The following ATE1 variants were observed in gnomAD, a reference collection of about 807,000 sequenced individuals.
ATE1 encodes arginyl-tRNA--protein transferase 1.
A neutral mutation model predicts 70.5 loss-of-function variants in ATE1; 36 were observed. That is an observed-to-expected ratio of 0.51 (90% CI 0.39 to 0.67). The LOEUF (loss-of-function observed/expected upper bound fraction) is 0.67, where lower values mean the gene tolerates loss of function less well. Among genes scored for constraint, ATE1 ranks in the 30% least tolerant of loss-of-function variants. The probability of loss-of-function intolerance (pLI) is 0.00; values close to 1 mark genes in which losing one functional copy is unlikely to be tolerated. For synonymous variants in ATE1, 232 were observed against 219.3 expected (o/e 1.06, Z -0.51); for missense variants, 593 against 629.5 (o/e 0.94, Z 0.62).
Position 121,899,996 on chromosome 10 carries a change from T to C in ATE1, c.814-2A>G, listed in dbSNP as rs768399563. On this transcript the variant is annotated splice_acceptor_variant, in intron 6 of 11. Coordinates refer to ENST00000224652, the MANE Select transcript of ATE1 (RefSeq NM_001001976.3). LOFTEE classifies it high-confidence loss of function. The stretch of plus-strand genomic sequence containing the variant: ...TGGAGATGATCTCACCACCCTCACC[T>C]TCAGAAGCAGTTAAAAAAACAAGTT... 4 of 1,611,468 alleles carry C rather than the reference T, an allele frequency of 2.5e-6. 1 individual carries two copies. The South Asian group carries it at 4.4e-5, about 18-fold the overall frequency.
rs116126953 is a variant in ATE1, at chr10:121,810,100, G to A, written c.1258-19811C>T. On this transcript the variant is annotated intron_variant, in intron 10 of 11. Coordinates refer to ENST00000224652, the MANE Select transcript of ATE1 (RefSeq NM_001001976.3). ...CAACTCTGCTACGAATGTATGGCCCGTATTTTGGATAAAACAAGGTTTACT... is the reference window on the plus strand; with the variant it reads ...CAACTCTGCTACGAATGTATGGCCCATATTTTGGATAAAACAAGGTTTACT... Among the ~76,000 whole-genome samples the A allele has an allele frequency of 4.4e-3, 668 of 152,236 alleles. 5 individuals are homozygous for A. Among genetic ancestry groups the A allele is most frequent in the African/African-American group, 0.015 (641 of 41,530 alleles).
chr10:121,817,590 A>C lies in ATE1; in HGVS notation c.1257+19128T>G, dbSNP rs1031903271. 3.3e-5 allele frequency among the ~76,000 whole-genome samples: 5 copies of C among 152,162 alleles called. No individual in the cohort carries two copies. The South Asian group carries it at 1.0e-3, about 32-fold the overall frequency. On this transcript the variant is annotated intron_variant, in intron 10 of 11. Transcript: ENST00000224652. Reference sequence around the variant, plus strand: ...CCCTCTCTACAAAAGCTTACAATCTAATGAGACAGGCAGATGTGAAAAGAA... The same window carrying C: ...CCCTCTCTACAAAAGCTTACAATCTCATGAGACAGGCAGATGTGAAAAGAA...
At chr10:121,897,550 C>T (rs1012124751) in intron 7 of ATE1, among the ~76,000 whole-genome samples, 4 of 152,110 alleles carry the variant, frequency 2.6e-5, no homozygotes, top group Non-Finnish European at 5.9e-5. Flanking sequence ...AGATTCTGGC[C>T]GGACCCGGTG....
chr10:121,795,712 C>A (rs1312397406), intron 10 of ATE1, among the ~76,000 whole-genome samples: 1 of 152,126 alleles, frequency 6.6e-6, no homozygotes, highest in Non-Finnish European at 1.5e-5. Context: ...ATGAAATAAA[C>A]CACTTTGAAA....
chr10:121,846,204 A>G (rs983373040), intron 8 of ATE1, among the ~76,000 whole-genome samples: 1 of 152,168 alleles, frequency 6.6e-6, no homozygotes, highest in Non-Finnish European at 1.5e-5. Flanking sequence ...CTATTGAAAG[A>G]GCAACCAATG....
chr10:121,806,980 A>G (rs901051678), intron 10 of ATE1, among the ~76,000 whole-genome samples: 1 of 152,194 alleles, frequency 6.6e-6, no homozygotes, highest in African/African-American at 2.4e-5. Context: ...CCTTTTTTCT[A>G]GAACTTACCA....
upstream of ATE1, chr10:121,928,189 G>T: frequency 7.7e-7 from 1 of 1,294,496 alleles, no homozygotes; most frequent in Non-Finnish European, 9.9e-7. Context: ...CGTCGTCAGT[G>T]AGGGTGAGGC....
chr10:121,903,806 G>A (rs185096188), intron 5 of ATE1, among the ~76,000 whole-genome samples: 125 of 152,098 alleles, frequency 8.2e-4, no homozygotes, highest in African/African-American at 2.9e-3. Flanking sequence ...CTAATTAACA[G>A]ACCAAATATC....
chr10:121,866,875 T>C (rs1488178917), intron 8 of ATE1, among the ~76,000 whole-genome samples: 1 of 151,550 alleles, frequency 6.6e-6, no homozygotes, highest in Admixed American at 6.6e-5. Context: ...AATTTGTATA[T>C]TCTATATACT....
intron 2 of ATE1, among the ~76,000 whole-genome samples, chr10:121,923,498 A>AT (rs1442511618): frequency 1.3e-5 from 2 of 152,122 alleles, no homozygotes; most frequent in African/African-American, 4.8e-5. Flanking sequence ...TAAAAAAAAA[A>AT]GTTCCTTATC....
intron 10 of ATE1, among the ~76,000 whole-genome samples, chr10:121,826,650 G>A (rs1159642055): frequency 6.6e-6 from 1 of 152,164 alleles, no homozygotes; most frequent in Non-Finnish European, 1.5e-5. Context: ...GAGGGTACAT[G>A]TGCAGGTTTG....
intron 10 of ATE1, among the ~76,000 whole-genome samples, chr10:121,824,577 C>T (rs957047456): frequency 6.6e-6 from 1 of 152,172 alleles, no homozygotes; most frequent in African/African-American, 2.4e-5. Flanking sequence ...CATAATTAAT[C>T]ACAGACGGAT....
chr10:121,833,128 A>C (rs1329759441), intron 10 of ATE1, among the ~76,000 whole-genome samples: 1 of 152,104 alleles, frequency 6.6e-6, no homozygotes, highest in Non-Finnish European at 1.5e-5. Flanking sequence ...ACTTCTCCAA[A>C]CTGTTACACA....
In ATE1 at chr10:121,869,815, T is replaced by C. The variant is rs530744456; in HGVS notation, c.975+191A>G. On this transcript the variant is annotated intron_variant, in intron 8 of 11. Coordinates refer to ENST00000224652, the MANE Select transcript of ATE1 (RefSeq NM_001001976.3). ...AACCTGTCATGAAAGTGAATTGCTA[T>C]TGATATAACTTCTAGAAACTTTTAT... is the stretch of plus-strand genomic sequence containing the variant. 3.9e-5 allele frequency among the ~76,000 whole-genome samples: 6 copies of C among 152,366 alleles called. No homozygotes were observed. The South Asian group carries it at 1.2e-3, about 32-fold the overall frequency.
chr10:121,784,068 A>C (rs1191395694), intron 11 of ATE1, among the ~76,000 whole-genome samples: 2 of 152,296 alleles, frequency 1.3e-5, no homozygotes, highest in African/African-American at 4.8e-5. Context: ...CTTGCTTTGA[A>C]ATTTTAAAAC....
At chr10:121,876,742 G>T (rs192076819) in intron 7 of ATE1, among the ~76,000 whole-genome samples, 20 of 152,186 alleles carry the variant, frequency 1.3e-4, no homozygotes, top group Admixed American at 5.2e-4. Context: ...CGAGGCGGGC[G>T]GATCACGATG....
At chr10:121,866,676 G>A (rs1054500523) in intron 8 of ATE1, among the ~76,000 whole-genome samples, 5 of 151,878 alleles carry the variant, frequency 3.3e-5, no homozygotes, top group African/African-American at 1.2e-4. Flanking sequence ...GGTGAAACCT[G>A]TCTTTACTAA....
At position 121,927,742 on chromosome 10, in the gene ATE1, TG is replaced by T. The variant is rs1302516995; in HGVS notation, c.106+101del. On this transcript the variant is annotated intron_variant, in intron 1 of 11. Coordinates refer to ENST00000224652, the MANE Select transcript of ATE1 (RefSeq NM_001001976.3). Reference sequence around the variant, plus strand: ...GCCCCCTCCGTCTCGGCCGTGGCACTGGGGCCAGGGGCTCCGGCCCCCTCGC... The same window carrying T: ...GCCCCCTCCGTCTCGGCCGTGGCACTGGGCCAGGGGCTCCGGCCCCCTCGC... 5.1e-6 allele frequency: 7 copies of T among 1,384,680 alleles called. No homozygotes were observed. The South Asian group carries it at 9.5e-5, about 19-fold the overall frequency. The allele number at this position is 1,384,680 out of a possible 1,614,324, so 85.8% of individuals were successfully genotyped here. A position where few individuals can be genotyped will look rare whatever the true frequency, so the allele number is the denominator to read the frequency against.
At chr10:121,773,868 TCA>T (rs1945623704) in intron 11 of ATE1, among the ~76,000 whole-genome samples, 1 of 152,136 alleles carries the variant, frequency 6.6e-6, no homozygotes, top group African/African-American at 2.4e-5. Context: ...TCTTGAAAAA[TCA>T]CAATTTTAAA....
Sources: allele counts gnomAD v4.1 joint callset (sites outside exome capture counted in the v4.1 genomes callset), GRCh38; gene constraint gnomAD v4.1.1; transcripts MANE v1.5; gene names NCBI Gene and HGNC (gene_info 2026-07-23, HGNC 2026-07-21).